Variants in FANCA observed in about 807,000 individuals in gnomAD.
The protein encoded by FANCA is FA complementation group A, also known as Fanconi anemia group A protein.
FANCA carries 236 observed loss-of-function variants against 194.3 expected under a neutral mutation model. The observed-to-expected ratio is 1.21, with a 90% confidence interval of 1.09 to 1.35. The LOEUF (loss-of-function observed/expected upper bound fraction) is 1.35. FANCA is among the 40% of genes most tolerant of loss of function. FANCA has a pLI of 0.00. For missense variants in FANCA, 2,628 were observed against 1,813.9 expected, an observed-to-expected ratio of 1.45 and a Z score of -8.15; for synonymous variants, 1,014 against 715.8, an observed-to-expected ratio of 1.42 and a Z score of -6.65.
At chr16:89,813,479 C>G (rs149957461) in intron 3 of FANCA, among the ~76,000 whole-genome samples, 1 of 151,980 alleles carries the variant, frequency 6.6e-6, no homozygotes. Flanking sequence ...ATTGCCCAGG[C>G]TGGAGTGCAA....
chr16:89,788,238 G>A (rs567954402), intron 14 of FANCA, among the ~76,000 whole-genome samples: 20 of 152,166 alleles, frequency 1.3e-4, no homozygotes, highest in African/African-American at 3.9e-4. Flanking sequence ...TAAGTGGGGC[G>A]GATGACAAAC....
At chr16:89,808,777 T>C (rs903743586) in intron 5 of FANCA, among the ~76,000 whole-genome samples, 1 of 152,022 alleles carries the variant, frequency 6.6e-6, no homozygotes, top group Non-Finnish European at 1.5e-5. Flanking sequence ...GCATGTCCCT[T>C]GTCTTTCTCA....
chr16:89,774,360 A>G (rs1247178016), intron 21 of FANCA, among the ~76,000 whole-genome samples: 4 of 152,106 alleles, frequency 2.6e-5, no homozygotes, highest in African/African-American at 9.7e-5. Flanking sequence ...TCTCAAGAGA[A>G]GCAAACGCCT....
chr16:89,743,593 G>A (rs1484285742), intron 36 of FANCA, among the ~76,000 whole-genome samples: 1 of 152,170 alleles, frequency 6.6e-6, no homozygotes, highest in Non-Finnish European at 1.5e-5. Context: ...GGAGGCTGAG[G>A]CAGGCAGATC....
chr16:89,761,378 C>T (rs1262134092), intron 29 of FANCA, among the ~76,000 whole-genome samples: 2 of 144,900 alleles, frequency 1.4e-5, no homozygotes, highest in East Asian at 2.1e-4. Flanking sequence ...GAGATCGCGC[C>T]ACTGCATTCC....
chr16:89,759,777 C>T (rs1598093356), intron 29 of FANCA, among the ~76,000 whole-genome samples: 1 of 152,156 alleles, frequency 6.6e-6, no homozygotes, highest in East Asian at 1.9e-4. Context: ...ACAAACAAAT[C>T]CGCAGTGCAC....
At chr16:89,749,189 C>A (rs1338759038) in intron 32 of FANCA, among the ~76,000 whole-genome samples, 2 of 152,186 alleles carry the variant, frequency 1.3e-5, no homozygotes, top group Middle Eastern at 3.4e-3. Flanking sequence ...CCTTCTGCGA[C>A]GTCCCTCCAC....
rs1241972182 is a variant in FANCA at position 89,799,489 on chromosome 16, T to C, written c.826+116A>G. On this transcript the variant is annotated intron_variant, in intron 9 of 42. Transcript: ENST00000389301. ...CAAGGGCATTCCAGTACCAGGACTC[T>C]GCACAGTGAAACATACAGAGGAGAA... 6 of 1,113,654 alleles carry C rather than the reference T, an allele frequency of 5.4e-6. No individual in the cohort carries two copies. In the African/African-American group the frequency reaches 6.2e-5, roughly 11 times the overall value. 69.0% of individuals were successfully genotyped at this position (1,113,654 alleles called of 1,614,324 possible).
intron 15 of FANCA, among the ~76,000 whole-genome samples, chr16:89,784,068 T>A (rs530931273): frequency 6.6e-6 from 1 of 152,078 alleles, no homozygotes; most frequent in East Asian, 2.0e-4. Flanking sequence ...CCAATTTTCT[T>A]AAAAGATGAG....
In FANCA at chr16:89,790,684, G is replaced by C. The variant is rs551616434; in HGVS notation, c.1359+719C>G. Among the ~76,000 whole-genome samples the C allele has an allele frequency of 3.9e-5, 6 of 151,936 alleles. No individual in the cohort carries two copies. In the East Asian group the frequency reaches 1.2e-3, roughly 29 times the overall value. On this transcript the variant is annotated intron_variant, in intron 14 of 42. Transcript: ENST00000389301. ...GCGGAGTTTGCAGTGAGCCGAGAAG[G>C]TGAGCTTTCTGTACCACTGCACTCT... is the stretch of plus-strand genomic sequence containing the variant.
chr16:89,770,480 T>G (rs2039285535), intron 24 of FANCA, 84 bp downstream of exon 24: 2 of 1,316,266 alleles, frequency 1.5e-6, no homozygotes, highest in Non-Finnish European at 1.1e-6. Context: ...GACGAGCTCA[T>G]GAGTCCCTGG....
rs777032467 is a variant in FANCA, at chr16:89,770,615, G to A, written c.2171C>T (p.Thr724Met). The change falls in exon 24 of 43, where the codon ACG becomes ATG. Residue 724 changes from threonine to methionine, a missense_variant. Coordinates refer to ENST00000389301, the MANE Select transcript of FANCA (RefSeq NM_000135.4). ...REHMAVDLLL[T>M]SFCQNLMAAS... Reference sequence around the variant, plus strand: ...AGCCATCAGGTTCTGACAGAAAGACGTCAGCAGGAGGTCCACAGCCTGCAG... The same window carrying A: ...AGCCATCAGGTTCTGACAGAAAGACATCAGCAGGAGGTCCACAGCCTGCAG... 1.3e-5 allele frequency: 21 copies of A among 1,611,308 alleles called. No homozygotes were observed. The highest frequency in any genetic ancestry group is 1.7e-5 in the Admixed American group (1 of 59,688).
At chr16:89,769,022 C>T (rs957149389) in intron 26 of FANCA, among the ~76,000 whole-genome samples, 1 of 152,182 alleles carries the variant, frequency 6.6e-6, no homozygotes, top group African/African-American at 2.4e-5. Context: ...CCCCGAGGCC[C>T]ATGTCTGAGG....
At chr16:89,786,056 T>TACTG (rs1294728994) in intron 14 of FANCA, among the ~76,000 whole-genome samples, 1 of 148,976 alleles carries the variant, frequency 6.7e-6, no homozygotes, top group African/African-American at 2.5e-5. Flanking sequence ...TCTCACTCTG[T>TACTG]CATCCAGGCT....
intron 21 of FANCA, 126 bp from the exon 22 acceptor site, chr16:89,773,510 G>C: frequency 1.4e-6 from 1 of 727,924 alleles, no homozygotes; most frequent in Non-Finnish European, 2.4e-6. Flanking sequence ...GGCAGACGGA[G>C]GGACTGGGAG....
intron 3 of FANCA, among the ~76,000 whole-genome samples, chr16:89,813,508 A>C (rs9937925): frequency 0.65 from 99,071 of 151,810 alleles, 33,419 homozygotes; most frequent in East Asian, 0.99. Context: ...TCTCGGCTCA[A>C]TGCAACCTCT....
At chr16:89,799,469 G>T in intron 9 of FANCA, 136 bp downstream of exon 9, 1 of 1,013,490 alleles carries the variant, frequency 9.9e-7, no homozygotes, top group Non-Finnish European at 1.5e-6. Flanking sequence ...CAAAACAAGG[G>T]CATTCCAGTA....
chr16:89,742,764 G>A lies in FANCA; in HGVS notation c.3765+36C>T, dbSNP rs370585940. 2.3e-4 allele frequency: 364 copies of A among 1,607,604 alleles called. 3 individuals are homozygous for A. The South Asian group carries it at 3.0e-3, about 13-fold the overall frequency. On this transcript the variant is annotated intron_variant, in intron 37 of 42. Transcript: ENST00000389301. ...TAGCACTGATTGAAACCAAGCTTGC[G>A]AGAAAATAAATCAGTAAAAGAATTT...
intron 26 of FANCA, among the ~76,000 whole-genome samples, chr16:89,769,347 A>G (rs554831900): frequency 2.7e-4 from 41 of 152,274 alleles, no homozygotes; most frequent in Non-Finnish European, 4.4e-4. Context: ...AGCTGCAGGG[A>G]GCCCTTGAGG....
Sources: allele counts gnomAD v4.1 joint callset (sites outside exome capture counted in the v4.1 genomes callset), GRCh38; gene constraint gnomAD v4.1.1; transcripts MANE v1.5; gene names NCBI Gene and HGNC (gene_info 2026-07-23, HGNC 2026-07-21).